The following PRMT3 variants were observed in gnomAD, a reference collection of about 807,000 sequenced individuals.
PRMT3 encodes the protein protein arginine methyltransferase 3, also known as protein arginine N-methyltransferase 3.
A neutral mutation model predicts 71.9 loss-of-function variants in PRMT3; 62 were observed. That is an observed-to-expected ratio of 0.86 (90% CI 0.70 to 1.07). The LOEUF (loss-of-function observed/expected upper bound fraction) is 1.07, where lower values mean the gene tolerates loss of function less well. Among genes scored for constraint, PRMT3 ranks in the 50% least tolerant of loss-of-function variants. PRMT3 has a pLI of 0.00. For missense variants in PRMT3, 663 were observed against 643.0 expected, an observed-to-expected ratio of 1.03 and a Z score of -0.34; for synonymous variants, 213 against 220.4, an observed-to-expected ratio of 0.97 and a Z score of 0.30.
chr11:20,441,825 T>C (rs1246534543), intron 10 of PRMT3, among the ~76,000 whole-genome samples: 1 of 149,832 alleles, frequency 6.7e-6, no homozygotes, highest in African/African-American at 2.5e-5. Context: ...GGAGTTTTGC[T>C]TTTTTTACTC....
intron 13 of PRMT3, 68 bp from the exon 14 acceptor site, chr11:20,493,851 A>C (rs1195413188): frequency 3.8e-6 from 4 of 1,050,910 alleles, no homozygotes; most frequent in Non-Finnish European, 5.7e-6. Flanking sequence ...GTCTTAAGAG[A>C]CAGTAATGAG....
intron 15 of PRMT3, among the ~76,000 whole-genome samples, chr11:20,495,483 G>C (rs1851311501): frequency 6.6e-6 from 1 of 152,104 alleles, no homozygotes; most frequent in South Asian, 2.1e-4. Flanking sequence ...CTGCACTCCA[G>C]CCTGGGTGAC....
chr11:20,436,242 A>T (rs1849757455), intron 10 of PRMT3, among the ~76,000 whole-genome samples: 1 of 152,220 alleles, frequency 6.6e-6, no homozygotes. Context: ...TCGTCTTCAA[A>T]CAGGAACAAT....
rs1449003739 is a variant in PRMT3 at position 20,462,209 on chromosome 11, A to G, written c.1260+42A>G. ...CTTTATTTTTTATAATGGTATTGCT[A>G]TTTTTCTTAGTTCAGCATTTGAAAA... On this transcript the variant is annotated intron_variant, in intron 12 of 15. Coordinates refer to ENST00000331079, the MANE Select transcript of PRMT3 (RefSeq NM_005788.4). 3.5e-6 allele frequency: 5 copies of G among 1,438,258 alleles called. No individual in the cohort carries two copies. In the South Asian group the frequency reaches 4.1e-5, roughly 12 times the overall value. 89.1% of individuals were successfully genotyped at this position (1,438,258 alleles called of 1,614,324 possible). A position where few individuals can be genotyped will look rare whatever the true frequency, so the allele number is the denominator to read the frequency against.
At chr11:20,501,520 G>T (rs1851457930) in intron 15 of PRMT3, among the ~76,000 whole-genome samples, 1 of 151,994 alleles carries the variant, frequency 6.6e-6, no homozygotes, top group African/African-American at 2.4e-5. Context: ...CTGAAAAAGA[G>T]TTCTCTATAG....
chr11:20,475,968 C>A (rs994375297), intron 13 of PRMT3, among the ~76,000 whole-genome samples: 36 of 152,002 alleles, frequency 2.4e-4, no homozygotes, highest in African/African-American at 8.7e-4. Context: ...GAGCCACCGC[C>A]TTTTAAATCT....
At chr11:20,397,068 A>C (rs1007908873) in intron 6 of PRMT3, among the ~76,000 whole-genome samples, 5 of 152,078 alleles carry the variant, frequency 3.3e-5, no homozygotes, top group African/African-American at 1.2e-4. Flanking sequence ...CCTTTTATAT[A>C]CCTTATGGAT....
At chr11:20,466,741 A>G (rs958058629) in intron 13 of PRMT3, among the ~76,000 whole-genome samples, 2 of 152,202 alleles carry the variant, frequency 1.3e-5, no homozygotes, top group Non-Finnish European at 2.9e-5. Flanking sequence ...GAAACATCTT[A>G]GTTTTATTCT....
In PRMT3 at chr11:20,494,215, AC is replaced by A; in HGVS notation, c.1448del (p.Thr483LysfsTer17). The A allele has an allele frequency of 6.2e-7, 1 of 1,611,306 alleles. No individual in the cohort carries two copies. Among genetic ancestry groups the A allele is most frequent in the Non-Finnish European group, 8.5e-7 (1 of 1,177,452 alleles). ...GAGCACCAAAACACACTGGAAACAA[AC>A]AGTATTTCTACTGGAAAAACCATTT... is the stretch of plus-strand genomic sequence containing the variant. ...PQSTKTHWKQ[T>X]VFLLEKPFSV... On this transcript the variant is annotated frameshift_variant, in exon 15 of 16. Transcript: ENST00000331079. LOFTEE classifies it high-confidence loss of function.
chr11:20,455,049 A>G (rs1850237240), intron 11 of PRMT3, among the ~76,000 whole-genome samples: 1 of 152,128 alleles, frequency 6.6e-6, no homozygotes, highest in South Asian at 2.1e-4. Flanking sequence ...TCTAGCTAAT[A>G]TTTACTAAGC....
intron 13 of PRMT3, among the ~76,000 whole-genome samples, chr11:20,477,496 C>T (rs1850820505): frequency 6.6e-6 from 1 of 151,468 alleles, no homozygotes. Flanking sequence ...GTGAAGGTTC[C>T]AATGAGCCGA....
chr11:20,404,216 T>TGTTTTTG (rs1565196752), intron 8 of PRMT3, among the ~76,000 whole-genome samples: 243 of 13,358 alleles, frequency 0.018, 9 homozygotes, highest in African/African-American at 0.044. Flanking sequence ...TCATAGTTTT[T>TGTTTTTG]TTTTTTTTTT....
At chr11:20,395,732 A>T (rs560963123) in intron 5 of PRMT3, 71 bp from the exon 6 acceptor site, 1 of 1,443,884 alleles carries the variant, frequency 6.9e-7, no homozygotes, top group African/African-American at 1.4e-5. Context: ...GGGCGTATTT[A>T]TTCCTAACAT....
At chr11:20,391,604 T>G (rs966880841) in intron 3 of PRMT3, among the ~76,000 whole-genome samples, 10 of 152,104 alleles carry the variant, frequency 6.6e-5, no homozygotes, top group African/African-American at 2.4e-4. Flanking sequence ...GAATTTTGTT[T>G]TGTTTTTTTT....
rs943690885 is a variant in PRMT3 at position 20,392,898 on chromosome 11, A to C, written c.299A>C (p.Asn100Thr). ...ACATGAGATTAATTTTATATCCAGA[A>C]TCCTACAGTTGAGTACATGAATTCC... ...IKLINFIRLK[N>T]PTVEYMNSIY... Residue 100 changes from asparagine (N) to threonine (T), a missense_variant and splice_region_variant, in exon 5 of 16, where the codon AAT becomes ACT. Asn to Thr is a moderately conservative substitution (Grantham distance 65, BLOSUM62 0). Transcript: ENST00000331079. 2 of 1,561,962 alleles carry C rather than the reference A, an allele frequency of 1.3e-6. No homozygotes were observed. Among genetic ancestry groups the C allele is most frequent in the African/African-American group, 1.4e-5 (1 of 73,550 alleles).
At chr11:20,449,873 A>G (rs1850110667) in intron 10 of PRMT3, among the ~76,000 whole-genome samples, 4 of 152,160 alleles carry the variant, frequency 2.6e-5, no homozygotes, top group Admixed American at 2.6e-4. Context: ...TCAGGAATAT[A>G]GCTTCAAACA....
chr11:20,395,802 G>T lies in PRMT3; in HGVS notation c.401-1G>T. 1 of 1,608,574 alleles carries T rather than the reference G, an allele frequency of 6.2e-7. No homozygotes were observed. The highest frequency in any genetic ancestry group is 8.5e-7 in the Non-Finnish European group (1 of 1,177,512). On this transcript the variant is annotated splice_acceptor_variant, in intron 5 of 15. Transcript: ENST00000331079. LOFTEE classifies it high-confidence loss of function. ...ATAATAATGTCCATTTATTTCTTTAGATGTAGAAGATCTTTATGAACCGGT... is the reference window on the plus strand; with the variant it reads ...ATAATAATGTCCATTTATTTCTTTATATGTAGAAGATCTTTATGAACCGGT...
intron 11 of PRMT3, among the ~76,000 whole-genome samples, chr11:20,455,492 G>A (rs1304467096): frequency 6.6e-6 from 1 of 151,998 alleles, no homozygotes; most frequent in African/African-American, 2.4e-5. Context: ...CTTTATCAAA[G>A]CACATGCAAA....
At chr11:20,442,265 A>C (rs909484283) in intron 10 of PRMT3, among the ~76,000 whole-genome samples, 2 of 151,972 alleles carry the variant, frequency 1.3e-5, no homozygotes, top group Non-Finnish European at 2.9e-5. Context: ...TCTGTTACCA[A>C]CTTGACATAC....
Sources: allele counts gnomAD v4.1 joint callset (sites outside exome capture counted in the v4.1 genomes callset), GRCh38; gene constraint gnomAD v4.1.1; transcripts MANE v1.5; gene names NCBI Gene and HGNC (gene_info 2026-07-23, HGNC 2026-07-21).